The following DNAH6 variants were observed in gnomAD, a reference collection of about 807,000 sequenced individuals.
DNAH6 encodes the protein axonemal beta dynein heavy chain 6.
Under a neutral mutation model 491.4 loss-of-function variants are expected in DNAH6, and 340 were observed. The ratio of observed to expected loss-of-function variants is 0.69; its 90% CI spans 0.63 to 0.76. DNAH6 has a LOEUF of 0.76. DNAH6 is among the 30% of genes least tolerant of loss of function. The pLI, the probability that DNAH6 is intolerant of heterozygous loss-of-function variation, is 0.00. For missense variants in DNAH6, 4,443 were observed against 4,972.2 expected, an observed-to-expected ratio of 0.89 and a Z score of 3.20; for synonymous variants, 1,603 against 1,686.1, an observed-to-expected ratio of 0.95 and a Z score of 1.21.
intron 63 of DNAH6, among the ~76,000 whole-genome samples, chr2:84,757,201 G>T (rs1243294228): frequency 2.6e-5 from 4 of 152,210 alleles, no homozygotes; most frequent in Non-Finnish European, 5.9e-5. Flanking sequence ...GGGAGAAGTT[G>T]ATCAGTTCCA....
chr2:84,753,513 T>C (rs1156283065), intron 63 of DNAH6, among the ~76,000 whole-genome samples: 1 of 152,004 alleles, frequency 6.6e-6, no homozygotes, highest in Non-Finnish European at 1.5e-5. Flanking sequence ...TAGCCAGCAC[T>C]TTGGGAGGCC....
At chr2:84,601,072 A>ATAATAATAACGTTATTATT (rs1685198853) in intron 18 of DNAH6, among the ~76,000 whole-genome samples, 1 of 149,370 alleles carries the variant, frequency 6.7e-6, no homozygotes, top group African/African-American at 2.4e-5. Context: ...TACTATAAGG[A>ATAATAATAACGTTATTATT]ATCCTTGTAG....
rs954377541 is a variant in DNAH6, at chr2:84,624,844, C to A, written c.4354-58C>A. 2.9e-5 allele frequency: 42 copies of A among 1,455,480 alleles called. No individual in the cohort carries two copies. In the Admixed American group the frequency reaches 1.1e-3, roughly 38 times the overall value. 90.2% of individuals were successfully genotyped at this position (1,455,480 alleles called of 1,614,324 possible). On this transcript the variant is annotated intron_variant, in intron 28 of 76. Coordinates refer to ENST00000389394, the MANE Select transcript of DNAH6 (RefSeq NM_001370.2). ...ATCCTTCCCCCATAGAGAGGAAATGCCTTAATTTGTGGCCAGAGTTGGTTC... is the reference window on the plus strand; with the variant it reads ...ATCCTTCCCCCATAGAGAGGAAATGACTTAATTTGTGGCCAGAGTTGGTTC...
At chr2:84,721,955 G>A (rs1698204448) in intron 59 of DNAH6, among the ~76,000 whole-genome samples, 1 of 152,202 alleles carries the variant, frequency 6.6e-6, no homozygotes, top group African/African-American at 2.4e-5. Context: ...GAAAGAGAGA[G>A]ACTGAGAGAC....
chr2:84,578,372 T>C (rs1016656169), intron 13 of DNAH6, among the ~76,000 whole-genome samples: 1 of 152,166 alleles, frequency 6.6e-6, no homozygotes, highest in African/African-American at 2.4e-5. Context: ...TACTTGGATA[T>C]GTATTTACTG....
intron 29 of DNAH6, among the ~76,000 whole-genome samples, chr2:84,633,149 GATT>G (rs1215518121): frequency 1.3e-5 from 2 of 152,084 alleles, no homozygotes; most frequent in African/African-American, 4.8e-5. Context: ...AAATAATAAG[GATT>G]TTCCTTCTAA....
In DNAH6 at chr2:84,718,977, A is replaced by C. The variant is rs146601770; in HGVS notation, c.9792+593A>C. Among the ~76,000 whole-genome samples the C allele has an allele frequency of 2.0e-4, 30 of 152,364 alleles. No homozygotes were observed. In the East Asian group the frequency reaches 5.2e-3, roughly 26 times the overall value. ...GATGAAGTTTTACCTTAAACTTAAA[A>C]TTCTTCAGTAAATTATTTCTCAGAT... is the stretch of plus-strand genomic sequence containing the variant. On this transcript the variant is annotated intron_variant, in intron 59 of 76. Coordinates refer to ENST00000389394, the MANE Select transcript of DNAH6 (RefSeq NM_001370.2).
chr2:84,466,637 T>G, the DNAH6 span, among the ~76,000 whole-genome samples: 1 of 152,260 alleles, frequency 6.6e-6, no homozygotes, highest in Non-Finnish European at 1.5e-5. Context: ...TTATGAACAT[T>G]ATAGCTCTCT....
chr2:84,739,142 A>G (rs181598367), intron 62 of DNAH6, among the ~76,000 whole-genome samples: 2 of 152,302 alleles, frequency 1.3e-5, no homozygotes, highest in East Asian at 3.9e-4. Context: ...TATTATCTTT[A>G]AGAATACTAA....
At chr2:84,539,437 TTA>T in intron 4 of DNAH6, among the ~76,000 whole-genome samples, 1 of 152,182 alleles carries the variant, frequency 6.6e-6, no homozygotes, top group Non-Finnish European at 1.5e-5. Flanking sequence ...GCTCTTAGCC[TTA>T]GCTGCTCATT....
At chr2:84,746,821 G>T (rs1673015860) in intron 63 of DNAH6, among the ~76,000 whole-genome samples, 1 of 152,144 alleles carries the variant, frequency 6.6e-6, no homozygotes, top group Non-Finnish European at 1.5e-5. Context: ...CTTGGCTTCT[G>T]GTGAGGCTTC....
rs1573188784 is a variant in DNAH6 at position 84,604,463 on chromosome 2, A to C, written c.2993A>C (p.Gln998Pro). The C allele has an allele frequency of 1.3e-6, 2 of 1,551,794 alleles. No homozygotes were observed. The highest frequency in any genetic ancestry group is 2.4e-5 in the East Asian group (1 of 40,920). ...CCATTAACCTTGGAGAGGCTCTCCC[A>C]GTTGCATGTTTTTGACTTTGGTCAA... ...EIPLTLERLS[Q>P]LHVFDFGQEI... Residue 998 changes from glutamine to proline, a missense_variant, in exon 19 of 77, where the codon CAG (glutamine) becomes CCG (proline). Gln to Pro is a moderately conservative substitution (Grantham distance 76). This residue lies in a region of DNAH6 where 2,977 missense variants were observed against 3,296.6 expected (regional missense o/e 0.90). Transcript: ENST00000389394.
Position 84,625,022 on chromosome 2 carries a change from C to T in DNAH6, c.4474C>T (p.Gln1492Ter). Reference sequence around the variant, plus strand: ...AGATCTGGCAAAAGCTCTTGCCATCCAGTGTGTGGTCTTTAACTGTTCAGA... The same window carrying T: ...AGATCTGGCAAAAGCTCTTGCCATCTAGTGTGTGGTCTTTAACTGTTCAGA... ...TKDLAKALAI[Q>*]CVVFNCSDGL... The change falls in exon 29 of 77, where the codon CAG (glutamine) becomes TAG (stop). Residue 1492 changes from glutamine to a stop codon, truncating the protein, a stop_gained. Transcript: ENST00000389394. LOFTEE classifies it high-confidence loss of function. 1.3e-6 allele frequency: 2 copies of T among 1,551,440 alleles called. No individual in the cohort carries two copies. Among genetic ancestry groups the T allele is most frequent in the Non-Finnish European group, 1.7e-6 (2 of 1,146,842 alleles).
chr2:84,788,522 T>G (rs1263097452), intron 68 of DNAH6, among the ~76,000 whole-genome samples: 1 of 152,172 alleles, frequency 6.6e-6, no homozygotes, highest in Non-Finnish European at 1.5e-5. Flanking sequence ...AGAACAATCT[T>G]GAAAAAAAGA....
rs1675749643 is a variant in DNAH6, at chr2:84,517,926, CAA to C, written c.102_103del (p.Arg35SerfsTer10). On this transcript the variant is annotated frameshift_variant, in exon 2 of 77. Transcript: ENST00000389394. LOFTEE classifies it high-confidence loss of function. The part of the protein sequence containing the change: ...LSRLNNIKAK[Q>X]RVSYVTSTEN... Reference sequence around the variant, plus strand: ...AAGACTGAATAATATAAAAGCCAAACAAAGAGTGAGTTATGTGACATCCACAG... The same window carrying C: ...AAGACTGAATAATATAAAAGCCAAACAGAGTGAGTTATGTGACATCCACAG... The C allele has an allele frequency of 6.4e-7, 1 of 1,551,450 alleles. No individual in the cohort carries two copies. Among genetic ancestry groups the C allele is most frequent in the South Asian group, 1.2e-5 (1 of 84,050 alleles).
chr2:84,719,899 G>GAC (rs1332177394), intron 59 of DNAH6, among the ~76,000 whole-genome samples: 4 of 129,176 alleles, frequency 3.1e-5, no homozygotes, highest in Non-Finnish European at 6.6e-5. Context: ...CACACACACA[G>GAC]ACACACACAC....
At chr2:84,556,991 T>A (rs1680096936) in intron 10 of DNAH6, among the ~76,000 whole-genome samples, 2 of 152,262 alleles carry the variant, frequency 1.3e-5, no homozygotes, top group African/African-American at 4.8e-5. Flanking sequence ...GTTATTAATA[T>A]GAGAAATACT....
chr2:84,805,570 G>C, intron 70 of DNAH6, 95 bp from the exon 71 acceptor site: 2 of 1,131,634 alleles, frequency 1.8e-6, no homozygotes, highest in Non-Finnish European at 2.4e-6. Context: ...TGGTTTTAGA[G>C]AACTGCCTTT....
chr2:84,739,465 C>A (rs1156413511), intron 62 of DNAH6, among the ~76,000 whole-genome samples: 1 of 152,192 alleles, frequency 6.6e-6, no homozygotes, highest in Non-Finnish European at 1.5e-5. Flanking sequence ...ATTCTCTCTT[C>A]TTCTCTCTCA....
Sources: allele counts gnomAD v4.1 joint callset (sites outside exome capture counted in the v4.1 genomes callset), GRCh38; gene constraint gnomAD v4.1.1; regional missense constraint gnomAD v4.1.1; transcripts MANE v1.5; gene names NCBI Gene and HGNC (gene_info 2026-07-23, HGNC 2026-07-21).